ETS2: variants seen among roughly 807,000 people sequenced by gnomAD.
The protein encoded by ETS2 is ETS proto-oncogene 2, transcription factor.
A neutral mutation model predicts 54.9 loss-of-function variants in ETS2; 19 were observed. The ratio of observed to expected loss-of-function variants is 0.35; its 90% CI spans 0.24 to 0.51. The LOEUF (loss-of-function observed/expected upper bound fraction) is 0.51, where lower values mean the gene tolerates loss of function less well. ETS2 is among the 20% of genes least tolerant of loss of function. The pLI, the probability that ETS2 is intolerant of heterozygous loss-of-function variation, is 0.97. For missense variants in ETS2, 417 were observed against 593.0 expected, an observed-to-expected ratio of 0.70 and a Z score of 3.08; for synonymous variants, 219 against 229.3, an observed-to-expected ratio of 0.95 and a Z score of 0.41.
chr21:38,821,508 A>G lies in ETS2; in HGVS notation c.1076-78A>G. On this transcript the variant is annotated intron_variant, in intron 8 of 9. Transcript: ENST00000360938. The surrounding 1 kb of genome is among the most constrained non-coding windows in gnomAD (Gnocchi z 4.2). ...GGTCTGCATTCCTAAATCAGCATGT[A>G]CAATTAGGATGGTTAAAGACTTGCT... 1 of 1,029,378 alleles carries G rather than the reference A, an allele frequency of 9.7e-7. No homozygotes were observed. The highest frequency in any genetic ancestry group is 1.5e-6 in the Non-Finnish European group (1 of 656,976). The allele number at this position is 1,029,378 out of a possible 1,614,324, so 63.8% of individuals were successfully genotyped here. A position where few individuals can be genotyped will look rare whatever the true frequency, so the allele number is the denominator to read the frequency against.
chr21:38,816,864 G>A, intron 5 of ETS2, 144 bp from the exon 6 acceptor site: 1 of 544,008 alleles, frequency 1.8e-6, no homozygotes, highest in Non-Finnish European at 3.3e-6. Flanking sequence ...GCAGGGACGT[G>A]GAGCACCATG....
rs779705826 is a variant in ETS2 at position 38,814,830 on chromosome 21, C to T, written c.354C>T (p.Ala118=). ...AGGTATGCCAGTGGCTTCTCTGGGCCACCAATGAGTTCAGTCTGGTGAACG... is the reference window on the plus strand; with the variant it reads ...AGGTATGCCAGTGGCTTCTCTGGGCTACCAATGAGTTCAGTCTGGTGAACG... The part of the protein sequence containing the change: ...EQQVCQWLLW[A]TNEFSLVNVN... The change falls in exon 5 of 10, where the codon GCC becomes GCT. Residue 118 remains alanine (A), a synonymous_variant. Transcript: ENST00000360938. The surrounding 1 kb of genome is among the most constrained non-coding windows in gnomAD (Gnocchi z 4.2). 2 of 1,614,190 alleles carry T rather than the reference C, an allele frequency of 1.2e-6. No individual in the cohort carries two copies. The highest frequency in any genetic ancestry group is 2.2e-5 in the South Asian group (2 of 91,082).
chr21:38,824,945 G>A lies in ETS2; in HGVS notation c.*2056G>A, dbSNP rs1292996805. 1 of 152,356 alleles carries A rather than the reference G, an allele frequency of 6.6e-6. No homozygotes were observed. The highest frequency in any genetic ancestry group is 1.5e-5 in the Non-Finnish European group (1 of 68,024). The allele number at this position is 152,356 out of a possible 1,614,324, so 9.4% of individuals were successfully genotyped here. A position where few individuals can be genotyped will look rare whatever the true frequency, so the allele number is the denominator to read the frequency against. On this transcript the variant is annotated 3_prime_UTR_variant, in exon 10 of 10. Transcript: ENST00000360938. Reference sequence around the variant, plus strand: ...TACTCTCTCAATAATAAAGTATTTTGTTTATATAAATTCTTTGTGATAGTC... The same window carrying A: ...TACTCTCTCAATAATAAAGTATTTTATTTATATAAATTCTTTGTGATAGTC...
rs945916223 is a variant in ETS2, at chr21:38,806,274, C to G, written c.-1+154C>G. 6.6e-5 allele frequency among the ~76,000 whole-genome samples: 10 copies of G among 151,864 alleles called. No individual in the cohort carries two copies. Among genetic ancestry groups the G allele is most frequent in the Non-Finnish European group, 1.5e-4 (10 of 67,916 alleles). ...GGGGGTGGCGGCTGCTGCGAGGACT[C>G]TAGGGGCGCGCGTCTGAGTTCCGCG... On this transcript the variant is annotated intron_variant, in intron 1 of 9. Coordinates refer to ENST00000360938, the MANE Select transcript of ETS2 (RefSeq NM_005239.6). This position sits in a 1 kb window ranked among gnomAD's most constrained non-coding sequence, Gnocchi z 4.3.
Position 38,818,488 on chromosome 21 carries a change from T to G in ETS2, c.653T>G (p.Leu218Arg), listed in dbSNP as rs114460001. The G allele has an allele frequency of 1.9e-5, 30 of 1,614,086 alleles. No homozygotes were observed. The East Asian group carries it at 6.7e-4, about 36-fold the overall frequency. ...QTQNYPKGGL[L>R]DSMCPASTPS... Reference sequence around the variant, plus strand: ...CAGAATTACCCCAAAGGCGGCCTCCTGGACAGCATGTGTCCGGCCTCCACA... The same window carrying G: ...CAGAATTACCCCAAAGGCGGCCTCCGGGACAGCATGTGTCCGGCCTCCACA... Residue 218 changes from leucine to arginine, a missense_variant, in exon 7 of 10, where the codon CTG becomes CGG. By Grantham distance (102) the Leu-to-Arg change is moderately radical. This residue lies in a region of ETS2 where 326 missense variants were observed against 426.1 expected (regional missense o/e 0.76). Transcript: ENST00000360938.
At chr21:38,805,895 G>C, upstream of ETS2, 3 of 1,207,024 alleles carry the variant, frequency 2.5e-6, no homozygotes, top group Non-Finnish European at 3.2e-6. This position sits in a 1 kb window ranked among gnomAD's most constrained non-coding sequence, Gnocchi z 5.2. Flanking sequence ...TCCTCCTCCC[G>C]CTCCTGAAGA....
chr21:38,814,743 T>C lies in ETS2; in HGVS notation c.305-38T>C, dbSNP rs1183315657. The C allele has an allele frequency of 1.3e-6, 2 of 1,585,872 alleles. No individual in the cohort carries two copies. Among genetic ancestry groups the C allele is most frequent in the Non-Finnish European group, 8.7e-7 (1 of 1,155,354 alleles). ...TGGTCTCACTACCTTTCCACTGTTT[T>C]TACCTCATGTGTTCCATTTTTTCTT... On this transcript the variant is annotated intron_variant, in intron 4 of 9. Transcript: ENST00000360938. This position sits in a 1 kb window ranked among gnomAD's most constrained non-coding sequence, Gnocchi z 4.2.
intron 3 of ETS2, among the ~76,000 whole-genome samples, chr21:38,813,792 G>A (rs376310036): frequency 1.8e-4 from 28 of 152,276 alleles, no homozygotes; most frequent in African/African-American, 6.7e-4. Context: ...AATTGCTGAG[G>A]GTGTCTGGAG....
chr21:38,823,133 C>T lies in ETS2; in HGVS notation c.*244C>T. 1 of 372,114 alleles carries T rather than the reference C, an allele frequency of 2.7e-6. No homozygotes were observed. The highest frequency in any genetic ancestry group is 9.6e-5 in the South Asian group (1 of 10,384). 23.1% of individuals were successfully genotyped at this position (372,114 alleles called of 1,614,324 possible). On this transcript the variant is annotated 3_prime_UTR_variant, in exon 10 of 10. Transcript: ENST00000360938. The stretch of plus-strand genomic sequence containing the variant: ...AGTGAAAATGGTCGAGAAAGAGGCA[C>T]CAGGAAGCCGTCCTGGCGCCTGGCA...
intron 9 of ETS2, 45 bp from the exon 10 acceptor site, chr21:38,822,629 A>G (rs1053321283): frequency 1.7e-5 from 26 of 1,505,522 alleles, no homozygotes; most frequent in African/African-American, 4.1e-5. Context: ...CTTTTTCTTC[A>G]TTGACAAATT....
rs1343317130 is a variant in ETS2 at position 38,817,085 on chromosome 21, A to G, written c.583A>G (p.Thr195Ala). 4.4e-6 allele frequency: 7 copies of G among 1,594,102 alleles called. No individual in the cohort carries two copies. In the East Asian group the frequency reaches 1.6e-4, roughly 36 times the overall value. The change falls in exon 6 of 10, where the codon ACA becomes GCA. Residue 195 changes from threonine (T) to alanine (A), a missense_variant. Transcript: ENST00000360938. ...TSVPHWINSN[T>A]LGFGTEQAPY... ...CGTTCCTCATTGGATTAACAGCAAT[A>G]CATTAGGTCAGTCCGATTGATTCTG...
intron 5 of ETS2, among the ~76,000 whole-genome samples, 194 bp downstream of exon 5, chr21:38,815,175 AGTGTGTGTGTGTGTGT>A (rs3065531): frequency 6.7e-6 from 1 of 149,806 alleles, no homozygotes. Context: ...ACTTTATGTG[AGTGTGTGTGTGTGTGT>A]GTGTGTGTGT....
rs543775608 is a variant in ETS2, at chr21:38,806,044, C to T, written c.-77C>T. On this transcript the variant is annotated 5_prime_UTR_variant, in exon 1 of 10. Coordinates refer to ENST00000360938, the MANE Select transcript of ETS2 (RefSeq NM_005239.6). This position sits in a 1 kb window ranked among gnomAD's most constrained non-coding sequence, Gnocchi z 4.3. ...CTCTGGCCGGCGCCCTCGCCCTCGC[C>T]CGGCGCGCACCGAGCAGCCGCGGGC... 3,236 of 1,209,536 alleles carry T rather than the reference C, an allele frequency of 2.7e-3. 4 individuals are homozygous for T. Among genetic ancestry groups the T allele is most frequent in the Non-Finnish European group, 3.2e-3 (3,036 of 954,292 alleles). The allele number at this position is 1,209,536 out of a possible 1,614,324, so 74.9% of individuals were successfully genotyped here. A position where few individuals can be genotyped will look rare whatever the true frequency, so the allele number is the denominator to read the frequency against.
Position 38,806,172 on chromosome 21 carries a change from AGGGTCACCCG to A in ETS2, c.-1+56_-1+65del. The A allele has an allele frequency of 1.0e-6, 1 of 997,962 alleles. No individual in the cohort carries two copies. Among genetic ancestry groups the A allele is most frequent in the Non-Finnish European group, 1.2e-6 (1 of 838,794 alleles). 61.8% of individuals were successfully genotyped at this position (997,962 alleles called of 1,614,324 possible). On this transcript the variant is annotated intron_variant, in intron 1 of 9. Transcript: ENST00000360938. The surrounding 1 kb of genome is among the most constrained non-coding windows in gnomAD (Gnocchi z 4.3). ...CCGGCGCGCGGCTCCAGTCCCATGGAGGGTCACCCGGGGCCTGGGCGGGGGTCGCGGGGGG... is the reference window on the plus strand; with the variant it reads ...CCGGCGCGCGGCTCCAGTCCCATGGAGGGCCTGGGCGGGGGTCGCGGGGGG...
upstream of ETS2, chr21:38,805,201 GC>G: frequency 1.6e-6 from 1 of 612,612 alleles, no homozygotes; most frequent in Non-Finnish European, 2.3e-6. The surrounding 1 kb of genome is among the most constrained non-coding windows in gnomAD (Gnocchi z 5.2). Flanking sequence ...CGCGGAGCCT[GC>G]GGGATCGGGG....
At position 38,814,241 on chromosome 21, in the gene ETS2, T is replaced by C; in HGVS notation, c.185-32T>C. 1 of 1,609,064 alleles carries C rather than the reference T, an allele frequency of 6.2e-7. No homozygotes were observed. The highest frequency in any genetic ancestry group is 8.5e-7 in the Non-Finnish European group (1 of 1,177,400). ...TCCACCTGATATCACCAACTTGAAG[T>C]CCTAATGTCCCCATGGGGGGTTTCC... On this transcript the variant is annotated intron_variant, in intron 3 of 9. Coordinates refer to ENST00000360938, the MANE Select transcript of ETS2 (RefSeq NM_005239.6). The surrounding 1 kb of genome is among the most constrained non-coding windows in gnomAD (Gnocchi z 4.2).
chr21:38,814,246 A>T lies in ETS2; in HGVS notation c.185-27A>T. On this transcript the variant is annotated intron_variant, in intron 3 of 9. Coordinates refer to ENST00000360938, the MANE Select transcript of ETS2 (RefSeq NM_005239.6). This position sits in a 1 kb window ranked among gnomAD's most constrained non-coding sequence, Gnocchi z 4.2. The stretch of plus-strand genomic sequence containing the variant: ...CTGATATCACCAACTTGAAGTCCTA[A>T]TGTCCCCATGGGGGGTTTCCTTCCA... The T allele has an allele frequency of 2.5e-6, 4 of 1,611,700 alleles. No homozygotes were observed. Among genetic ancestry groups the T allele is most frequent in the Non-Finnish European group, 3.4e-6 (4 of 1,178,728 alleles).
intron 5 of ETS2, among the ~76,000 whole-genome samples, chr21:38,815,717 G>C (rs2060930308): frequency 6.6e-6 from 1 of 151,386 alleles, no homozygotes; most frequent in Non-Finnish European, 1.5e-5. Flanking sequence ...GATTACTTGA[G>C]GTTAGGAGTT....
In ETS2 at chr21:38,814,508, G is replaced by T; in HGVS notation, c.304+116G>T. The T allele has an allele frequency of 7.6e-7, 1 of 1,313,692 alleles. No individual in the cohort carries two copies. 81.4% of individuals were successfully genotyped at this position (1,313,692 alleles called of 1,614,324 possible). A position where few individuals can be genotyped will look rare whatever the true frequency, so the allele number is the denominator to read the frequency against. On this transcript the variant is annotated intron_variant, in intron 4 of 9. Transcript: ENST00000360938. This position sits in a 1 kb window ranked among gnomAD's most constrained non-coding sequence, Gnocchi z 4.2. ...TGGGGTATTCTGCAAAGAGTAGCAT[G>T]GATGTCGTTAACCTGAGCCAGTTTC... is the stretch of plus-strand genomic sequence containing the variant.
Sources: gnomAD v4.1 joint callset for allele counts (sites outside exome capture counted in the v4.1 genomes callset) on GRCh38, gnomAD v4.1.1 for gene constraint, gnomAD v4.1.1 regional missense constraint, Gnocchi (gnomAD v3.1) non-coding constraint, MANE v1.5 for transcripts, NCBI Gene and HGNC (gene_info 2026-07-23, HGNC 2026-07-21) for gene names.